The following KCNJ3 variants were observed in gnomAD, a reference collection of about 807,000 sequenced individuals.
KCNJ3 encodes potassium inwardly rectifying channel subfamily J member 3, also known as G protein-activated inward rectifier potassium channel 1.
A neutral mutation model predicts 39.2 loss-of-function variants in KCNJ3; 4 were observed. The ratio of observed to expected loss-of-function variants is 0.10; its 90% CI spans 0.05 to 0.23. KCNJ3 has a LOEUF of 0.23. KCNJ3 is among the 10% of genes least tolerant of loss of function. The pLI, the probability that KCNJ3 is intolerant of heterozygous loss-of-function variation, is 1.00. For synonymous variants in KCNJ3, 230 were observed against 237.4 expected, an observed-to-expected ratio of 0.97 and a Z score of 0.29; for missense variants, 276 against 634.9, an observed-to-expected ratio of 0.43 and a Z score of 6.08.
chr2:154,802,766 A>T (rs1191038717), intron 2 of KCNJ3, among the ~76,000 whole-genome samples: 1 of 152,174 alleles, frequency 6.6e-6, no homozygotes, highest in Non-Finnish European at 1.5e-5. Flanking sequence ...TTATAGTGAG[A>T]TACATAGCAG....
chr2:154,805,723 A>G (rs1686898434), intron 2 of KCNJ3, among the ~76,000 whole-genome samples: 2 of 152,288 alleles, frequency 1.3e-5, no homozygotes, highest in East Asian at 3.9e-4. Flanking sequence ...TTAAATCTCT[A>G]GTTTAAGAAT....
chr2:154,830,966 T>G (rs2105119261), intron 2 of KCNJ3, among the ~76,000 whole-genome samples: 1 of 152,330 alleles, frequency 6.6e-6, no homozygotes, highest in East Asian at 1.9e-4. Flanking sequence ...CTAGCCAGCC[T>G]TCCTCACCTT....
intron 2 of KCNJ3, among the ~76,000 whole-genome samples, chr2:154,786,122 A>G (rs1171263322): frequency 6.6e-6 from 1 of 152,210 alleles, no homozygotes; most frequent in Non-Finnish European, 1.5e-5. Context: ...TTATAGTAGA[A>G]GCACAGCTCA....
intron 2 of KCNJ3, among the ~76,000 whole-genome samples, chr2:154,776,837 T>A (rs1686344397): frequency 6.6e-6 from 1 of 152,076 alleles, no homozygotes; most frequent in Admixed American, 6.6e-5. Context: ...ATTTTTACAT[T>A]TCTTCGCAAT....
chr2:154,818,918 C>CTTTTTTTTTTTTTTTTTTT (rs57668487), intron 2 of KCNJ3, among the ~76,000 whole-genome samples: 2 of 52,430 alleles, frequency 3.8e-5, no homozygotes, highest in African/African-American at 8.3e-5. Context: ...CTGCAAAAGC[C>CTTTTTTTTTTTTTTTTTTT]TTTTTTTTTT....
chr2:154,776,168 A>ATTTTTGTATTTTTT (rs1299368670), intron 2 of KCNJ3, among the ~76,000 whole-genome samples: 2 of 151,804 alleles, frequency 1.3e-5, no homozygotes, highest in Non-Finnish European at 2.9e-5. Flanking sequence ...CGCCAGGCTA[A>ATTTTTGTATTTTTT]TTTTTGTATT....
chr2:154,847,184 T>A (rs1286549253), intron 2 of KCNJ3, among the ~76,000 whole-genome samples: 1 of 152,168 alleles, frequency 6.6e-6, no homozygotes, highest in Non-Finnish European at 1.5e-5. Context: ...GCCAGTAACC[T>A]TAGTATTATT....
chr2:154,799,498 G>A (rs1686775352), intron 2 of KCNJ3, among the ~76,000 whole-genome samples: 1 of 152,088 alleles, frequency 6.6e-6, no homozygotes, highest in Admixed American at 6.6e-5. Context: ...CTAGGGTGAG[G>A]AGGATGGAGA....
At chr2:154,788,739 G>A (rs1686577719) in intron 2 of KCNJ3, among the ~76,000 whole-genome samples, 1 of 150,306 alleles carries the variant, frequency 6.7e-6, no homozygotes, top group Admixed American at 6.6e-5. Flanking sequence ...ATTTTAATAT[G>A]GGTGGGAAAA....
intron 2 of KCNJ3, among the ~76,000 whole-genome samples, chr2:154,849,314 CTGTTTTT>C (rs1376568526): frequency 2.0e-5 from 3 of 152,002 alleles, no homozygotes; most frequent in African/African-American, 7.3e-5. Context: ...ATTTGCTCTT[CTGTTTTT>C]TGTTTTGTTT....
intron 2 of KCNJ3, among the ~76,000 whole-genome samples, chr2:154,757,690 C>T (rs898482554): frequency 2.0e-5 from 3 of 152,126 alleles, no homozygotes; most frequent in South Asian, 2.1e-4. Context: ...AAATAATAGA[C>T]ATTTATTTCT....
chr2:154,807,366 A>T (rs1319874561), intron 2 of KCNJ3, among the ~76,000 whole-genome samples: 1 of 152,178 alleles, frequency 6.6e-6, no homozygotes. Flanking sequence ...TGGAGGGAAA[A>T]TGTTAATTAC....
At chr2:154,735,659 T>C (rs1200441536) in intron 2 of KCNJ3, among the ~76,000 whole-genome samples, 5 of 152,206 alleles carry the variant, frequency 3.3e-5, no homozygotes, top group East Asian at 3.9e-4. Context: ...AGATGTCCAA[T>C]TTAAAAATGG....
intron 2 of KCNJ3, among the ~76,000 whole-genome samples, chr2:154,813,783 A>G (rs1412036548): frequency 6.6e-6 from 1 of 152,222 alleles, no homozygotes; most frequent in Non-Finnish European, 1.5e-5. Context: ...TAAGGATACA[A>G]TGTTAACACT....
At chr2:154,804,673 T>C (rs964735118) in intron 2 of KCNJ3, among the ~76,000 whole-genome samples, 8 of 152,104 alleles carry the variant, frequency 5.3e-5, no homozygotes, top group African/African-American at 1.7e-4. Flanking sequence ...GTAGGTATTA[T>C]CTACATTGTA....
chr2:154,783,498 A>G (rs1175597935), intron 2 of KCNJ3, among the ~76,000 whole-genome samples: 1 of 152,220 alleles, frequency 6.6e-6, no homozygotes, highest in East Asian at 1.9e-4. Context: ...GATCTGTCTC[A>G]AAATAATAAT....
At chr2:154,724,916 G>GATATATATATATATATATATAT (rs1558856912) in intron 2 of KCNJ3, among the ~76,000 whole-genome samples, 9 of 59,122 alleles carry the variant, frequency 1.5e-4, no homozygotes, top group East Asian at 9.0e-4. Context: ...ATACATATGA[G>GATATATATATATATATATATAT]GTATATATAT....
chr2:154,727,729 A>G (rs1426175244), intron 2 of KCNJ3, among the ~76,000 whole-genome samples: 2 of 151,832 alleles, frequency 1.3e-5, no homozygotes, highest in African/African-American at 2.4e-5. Flanking sequence ...GAAAATTTCT[A>G]GGGTGCAGAG....
At chr2:154,844,989 A>G (rs1361608779) in intron 2 of KCNJ3, among the ~76,000 whole-genome samples, 1 of 152,162 alleles carries the variant, frequency 6.6e-6, no homozygotes, top group Non-Finnish European at 1.5e-5. Context: ...GAGATGAACC[A>G]GGTACCTCAG....
Sources: gnomAD v4.1 joint callset for allele counts (sites outside exome capture counted in the v4.1 genomes callset) on GRCh38, gnomAD v4.1.1 for gene constraint, MANE v1.5 for transcripts, NCBI Gene and HGNC (gene_info 2026-07-23, HGNC 2026-07-21) for gene names.